Variants in CNGB3 observed in about 807,000 individuals in gnomAD.
CNGB3 encodes cyclic nucleotide-gated channel beta-3.
A neutral mutation model predicts 92.8 loss-of-function variants in CNGB3; 86 were observed. The ratio of observed to expected loss-of-function variants is 0.93; its 90% CI spans 0.78 to 1.11. The LOEUF is 1.11. Ranked by LOEUF, CNGB3 falls within the 50% of genes least tolerant of loss-of-function variation. CNGB3 has a pLI of 0.00. For synonymous variants in CNGB3, 333 were observed against 332.7 expected (o/e 1.00, Z -0.01); for missense variants, 1,026 against 956.8 (o/e 1.07, Z -0.95).
At chr8:86,660,151 T>C in intron 6 of CNGB3, 1 of 305,582 alleles carries the variant, frequency 3.3e-6, no homozygotes, top group Non-Finnish European at 6.7e-6. Context: ...CCACCAGAAG[T>C]GGTTGTCTCA....
At chr8:86,582,286 T>A (rs1406187536) in intron 15 of CNGB3, among the ~76,000 whole-genome samples, 1 of 151,544 alleles carries the variant, frequency 6.6e-6, no homozygotes, top group Non-Finnish European at 1.5e-5. Context: ...ACCAGCTACT[T>A]GTGAGGCTGA....
chr8:86,607,525 C>G (rs1198943482), intron 14 of CNGB3, among the ~76,000 whole-genome samples: 1 of 152,176 alleles, frequency 6.6e-6, no homozygotes, highest in Admixed American at 6.5e-5. Flanking sequence ...CAGTGCTACT[C>G]AAAGTGTGGT....
intron 10 of CNGB3, among the ~76,000 whole-genome samples, chr8:86,639,480 TTTTAAATGTTCACAG>T (rs1823138473): frequency 6.6e-6 from 1 of 152,106 alleles, no homozygotes; most frequent in Non-Finnish European, 1.5e-5. Flanking sequence ...ACTTGACTTA[TTTTAAATGTTCACAG>T]TGTTCCATTT....
chr8:86,630,815 A>G (rs973178365), intron 11 of CNGB3, among the ~76,000 whole-genome samples: 1 of 152,214 alleles, frequency 6.6e-6, no homozygotes, highest in African/African-American at 2.4e-5. Context: ...TTGAGGCTAC[A>G]GTGAGCTATG....
chr8:86,655,568 C>T (rs2131604256), intron 6 of CNGB3, among the ~76,000 whole-genome samples: 1 of 152,302 alleles, frequency 6.6e-6, no homozygotes, highest in African/African-American at 2.4e-5. Context: ...TAAGGGTCTT[C>T]TCTGTCAGAT....
intron 3 of CNGB3, among the ~76,000 whole-genome samples, chr8:86,682,527 T>C (rs1442375340): frequency 1.3e-5 from 2 of 152,142 alleles, no homozygotes; most frequent in African/African-American, 2.4e-5. Context: ...CTGAGGTTGA[T>C]TTGTCATTGC....
chr8:86,636,956 T>C (rs965489493), intron 10 of CNGB3, among the ~76,000 whole-genome samples: 11 of 152,222 alleles, frequency 7.2e-5, no homozygotes, highest in Admixed American at 2.0e-4. Context: ...CTGAATGATA[T>C]TCTATTATAT....
intron 3 of CNGB3, among the ~76,000 whole-genome samples, chr8:86,700,250 A>G (rs10956936): frequency 0.095 from 14,472 of 152,050 alleles, 1,497 homozygotes; most frequent in African/African-American, 0.26. Flanking sequence ...TCAGTGATAA[A>G]CTCAGCTCTA....
chr8:86,671,438 C>G (rs1483962829), intron 3 of CNGB3, among the ~76,000 whole-genome samples: 1 of 152,104 alleles, frequency 6.6e-6, no homozygotes, highest in Non-Finnish European at 1.5e-5. Flanking sequence ...ATTCCCTGCC[C>G]CTTGGTATAT....
intron 12 of CNGB3, among the ~76,000 whole-genome samples, 155 bp from the exon 13 acceptor site, chr8:86,626,235 C>T (rs1165108131): frequency 6.6e-6 from 1 of 152,172 alleles, no homozygotes; most frequent in African/African-American, 2.4e-5. Flanking sequence ...TTCATTACTT[C>T]TATTGGACCT....
chr8:86,606,370 T>G (rs556171243), intron 14 of CNGB3, among the ~76,000 whole-genome samples: 1 of 152,126 alleles, frequency 6.6e-6, no homozygotes, highest in East Asian at 1.9e-4. Flanking sequence ...AGGCTTGTCT[T>G]GAACTCCTGG....
At chr8:86,738,377 A>G (rs1384325144) in intron 2 of CNGB3, among the ~76,000 whole-genome samples, 1 of 152,172 alleles carries the variant, frequency 6.6e-6, no homozygotes, top group African/African-American at 2.4e-5. Flanking sequence ...GGTTGAGATC[A>G]AAGTGGTGGT....
At chr8:86,641,354 C>T (rs1563737216) in intron 10 of CNGB3, among the ~76,000 whole-genome samples, 1 of 151,982 alleles carries the variant, frequency 6.6e-6, no homozygotes, top group African/African-American at 2.4e-5. Flanking sequence ...TCTGCCTATG[C>T]AGTAGCTATT....
intron 3 of CNGB3, among the ~76,000 whole-genome samples, chr8:86,677,075 T>A (rs571661049): frequency 6.6e-6 from 1 of 152,282 alleles, no homozygotes; most frequent in South Asian, 2.1e-4. Flanking sequence ...ACTACATTGC[T>A]AAGTCAGAAA....
In CNGB3 at chr8:86,632,824, A is replaced by T. The variant is rs760285737; in HGVS notation, c.1248T>A (p.Thr416=). The T allele has an allele frequency of 2.5e-6, 4 of 1,612,996 alleles. No homozygotes were observed. Among genetic ancestry groups the T allele is most frequent in the Non-Finnish European group, 2.5e-6 (3 of 1,179,828 alleles). The change falls in exon 11 of 18, where the codon ACT becomes ACA. Residue 416 remains threonine, a synonymous_variant. Coordinates refer to ENST00000320005, the MANE Select transcript of CNGB3 (RefSeq NM_019098.5). ...ITIGGLPEPQ[T]LFEIVFQLLN... ...AGAGTTGAAAAACAATTTCAAATAA[A>T]GTTTGTGGTTCTGGAAGGCCACCAA...
chr8:86,585,016 T>C (rs1821864630), intron 15 of CNGB3, among the ~76,000 whole-genome samples: 1 of 152,162 alleles, frequency 6.6e-6, no homozygotes, highest in Non-Finnish European at 1.5e-5. Flanking sequence ...ATGTCTCCTG[T>C]AGGAAACAAG....
At chr8:86,676,522 T>C (rs1368849178) in intron 3 of CNGB3, among the ~76,000 whole-genome samples, 2 of 152,152 alleles carry the variant, frequency 1.3e-5, no homozygotes, top group Non-Finnish European at 2.9e-5. Context: ...AGGGACATGA[T>C]TAGCTATGCT....
At chr8:86,611,792 C>T (rs1259502030) in intron 13 of CNGB3, 121 bp from the exon 14 acceptor site, 1 of 753,130 alleles carries the variant, frequency 1.3e-6, no homozygotes, top group Non-Finnish European at 2.3e-6. Flanking sequence ...AAAATATTAA[C>T]TGCCAATGGC....
intron 15 of CNGB3, among the ~76,000 whole-genome samples, chr8:86,597,452 TAC>T (rs1196624814): frequency 6.6e-6 from 1 of 152,158 alleles, no homozygotes; most frequent in Non-Finnish European, 1.5e-5. Context: ...CATGTATAGT[TAC>T]AAAGATAAGT....
Sources: gnomAD v4.1 joint callset for allele counts (sites outside exome capture counted in the v4.1 genomes callset) on GRCh38, gnomAD v4.1.1 for gene constraint, MANE v1.5 for transcripts, NCBI Gene and HGNC (gene_info 2026-07-23, HGNC 2026-07-21) for gene names.